The following ADA2 variants were observed in gnomAD, a reference collection of about 807,000 sequenced individuals.
ADA2 encodes adenosine deaminase 2.
ADA2 carries 29 observed loss-of-function variants against 44.2 expected under a neutral mutation model. The ratio of observed to expected loss-of-function variants is 0.66; its 90% CI spans 0.49 to 0.89. ADA2 has a LOEUF of 0.89. Among genes scored for constraint, ADA2 ranks in the 40% least tolerant of loss-of-function variants. The pLI is 0.00. For missense variants in ADA2, 637 were observed against 644.8 expected, an observed-to-expected ratio of 0.99 and a Z score of 0.13; for synonymous variants, 215 against 234.9, an observed-to-expected ratio of 0.92 and a Z score of 0.77.
At chr22:17,202,277 G>A (rs2062298337) in intron 4 of ADA2, among the ~76,000 whole-genome samples, 1 of 151,948 alleles carries the variant, frequency 6.6e-6, no homozygotes, top group Admixed American at 6.6e-5. Flanking sequence ...GTACAGGCAT[G>A]CGCCATCGCG....
chr22:17,203,270 T>C (rs2062312392), intron 4 of ADA2, among the ~76,000 whole-genome samples: 1 of 152,168 alleles, frequency 6.6e-6, no homozygotes, highest in Non-Finnish European at 1.5e-5. Context: ...TCTATCCCAA[T>C]TCTCCTTCTC....
At chr22:17,219,661 G>GATTTTTTTTTTTTTTTTTTTT (rs1178590006), upstream of ADA2, 4 of 125,660 alleles carry the variant, frequency 3.2e-5, no homozygotes, top group Non-Finnish European at 3.2e-5. Context: ...TGCATGTGGG[G>GATTTTTTTTTTTTTTTTTTTT]TTTGTTTTTT....
intron 4 of ADA2, chr22:17,199,419 T>TCCCTCCCCTCCTCTATCCTCTTCCCCA: frequency 3.2e-5 from 30 of 927,906 alleles, no homozygotes; most frequent in Non-Finnish European, 3.9e-5. Context: ...CAGCGTCTCC[T>TCCCTCCCCTCCTCTATCCTCTTCCCCA]CCCTCCCCTC....
At chr22:17,218,049 A>AGCATGAATATCATCAGTG (rs1430200796) in intron 1 of ADA2, among the ~76,000 whole-genome samples, 3 of 152,208 alleles carry the variant, frequency 2.0e-5, no homozygotes, top group Non-Finnish European at 4.4e-5. Flanking sequence ...TTCCAAGTGC[A>AGCATGAATATCATCAGTG]GCATGAATAT....
rs12165674 is a variant in ADA2 at position 17,196,153 on chromosome 22, C to G, written c.754-4343G>C. On this transcript the variant is annotated intron_variant, in intron 4 of 9. Coordinates refer to ENST00000399837, the MANE Select transcript of ADA2 (RefSeq NM_001282225.2). ...CCTGATGTCAGTTGACCAGCCTGGC[C>G]AACATGGTGAAACCCCTTCTCTACT... Among the ~76,000 whole-genome samples the G allele has an allele frequency of 8.5e-3, 1,280 of 149,832 alleles. 15 individuals carry two copies. Among genetic ancestry groups the G allele is most frequent in the African/African-American group, 0.03 (1,213 of 41,072 alleles).
At chr22:17,199,446 T>TCCCTCCCCTCCTCTTTCCTCTTCC in intron 4 of ADA2, 2 of 917,626 alleles carry the variant, frequency 2.2e-6, no homozygotes, top group Non-Finnish European at 1.7e-6. Flanking sequence ...CCTCTTCCCC[T>TCCCTCCCCTCCTCTTTCCTCTTCC]CCACCCACGA....
At chr22:17,216,178 T>G (rs2062469505) in intron 1 of ADA2, among the ~76,000 whole-genome samples, 1 of 151,766 alleles carries the variant, frequency 6.6e-6, no homozygotes, top group Non-Finnish European at 1.5e-5. Context: ...GAAGCAAGAC[T>G]TCATCTCAAA....
chr22:17,185,846 C>T (rs1241038521), intron 7 of ADA2, among the ~76,000 whole-genome samples: 1 of 152,200 alleles, frequency 6.6e-6, no homozygotes, highest in Non-Finnish European at 1.5e-5. Context: ...CTTTGGTCTT[C>T]CGAGGGTGAC....
intron 1 of ADA2, among the ~76,000 whole-genome samples, chr22:17,217,137 G>T (rs1336586453): frequency 6.6e-6 from 1 of 151,040 alleles, no homozygotes; most frequent in Non-Finnish European, 1.5e-5. Flanking sequence ...TGAAGTTAAA[G>T]AAAATATTTT....
At chr22:17,186,962 C>G (rs539817662) in intron 7 of ADA2, among the ~76,000 whole-genome samples, 112 of 151,864 alleles carry the variant, frequency 7.4e-4, no homozygotes, top group African/African-American at 2.6e-3. Flanking sequence ...GTCAGGCGAT[C>G]GAGACCATCC....
chr22:17,209,309 T>C, intron 2 of ADA2, 47 bp downstream of exon 2: 1 of 1,489,280 alleles, frequency 6.7e-7, no homozygotes, highest in Non-Finnish European at 9.3e-7. Context: ...CCAAGATGAG[T>C]CCCTCTACCT....
intron 3 of ADA2, among the ~76,000 whole-genome samples, chr22:17,205,766 C>T (rs1237834721): frequency 2.0e-5 from 3 of 152,036 alleles, no homozygotes; most frequent in Non-Finnish European, 4.4e-5. Context: ...ACGGCTTGAG[C>T]CGCAGAGTTC....
intron 2 of ADA2, among the ~76,000 whole-genome samples, 187 bp from the exon 3 acceptor site, chr22:17,207,477 C>T (rs1192955882): frequency 6.6e-6 from 1 of 151,954 alleles, no homozygotes; most frequent in Non-Finnish European, 1.5e-5. Context: ...TCCCAGGGCT[C>T]CGGGGCTTGG....
intron 4 of ADA2, among the ~76,000 whole-genome samples, chr22:17,193,827 GA>G (rs2062155128): frequency 6.6e-6 from 1 of 151,632 alleles, no homozygotes; most frequent in African/African-American, 2.4e-5. Flanking sequence ...TGGAAGGGAT[GA>G]AAAAATGCTA....
At chr22:17,191,837 G>A (rs200920243) in intron 4 of ADA2, 27 bp from the exon 5 acceptor site, 22 of 1,601,490 alleles carry the variant, frequency 1.4e-5, no homozygotes, top group African/African-American at 6.7e-5. Flanking sequence ...ACCAGGAGCC[G>A]TCAGGTGAGC....
chr22:17,188,959 T>C (rs2062079068), intron 6 of ADA2, among the ~76,000 whole-genome samples: 1 of 147,966 alleles, frequency 6.8e-6, no homozygotes, highest in African/African-American at 2.5e-5. Context: ...CCCTCCCACC[T>C]TGGCCCCCCA....
chr22:17,195,392 G>C (rs2123670601), intron 4 of ADA2, among the ~76,000 whole-genome samples: 3 of 152,200 alleles, frequency 2.0e-5, no homozygotes, highest in Admixed American at 2.0e-4. Flanking sequence ...AGCCGGGCGT[G>C]GTGGTGGGCG....
At chr22:17,182,911 T>C in intron 7 of ADA2, 150 bp from the exon 8 acceptor site, 1 of 676,414 alleles carries the variant, frequency 1.5e-6, no homozygotes, top group Non-Finnish European at 2.5e-6. Context: ...TTAACACAAA[T>C]ACACACACAC....
chr22:17,204,176 A>G (rs1228267007), intron 3 of ADA2, among the ~76,000 whole-genome samples: 1 of 152,140 alleles, frequency 6.6e-6, no homozygotes, highest in Non-Finnish European at 1.5e-5. Flanking sequence ...TTTTTGGGGA[A>G]TGTTATGGAC....
Sources: allele counts gnomAD v4.1 joint callset (sites outside exome capture counted in the v4.1 genomes callset), GRCh38; gene constraint gnomAD v4.1.1; transcripts MANE v1.5; gene names NCBI Gene and HGNC (gene_info 2026-07-23, HGNC 2026-07-21).